Variants in FAF2 observed in about 807,000 individuals in gnomAD.
The protein encoded by FAF2 is FAS-associated factor 2.
FAF2 carries 9 observed loss-of-function variants against 62.3 expected under a neutral mutation model. That is an observed-to-expected ratio of 0.14 (90% CI 0.09 to 0.25). The LOEUF (loss-of-function observed/expected upper bound fraction) is 0.25. FAF2 is among the 10% of genes least tolerant of loss of function. FAF2 has a pLI of 1.00. For synonymous variants in FAF2, 202 were observed against 198.0 expected, an observed-to-expected ratio of 1.02 and a Z score of -0.17; for missense variants, 368 against 556.2, an observed-to-expected ratio of 0.66 and a Z score of 3.40.
At position 176,506,899 on chromosome 5, in the gene FAF2, C is replaced by G; in HGVS notation, c.1287C>G (p.Ala429=). Residue 429 remains alanine, a synonymous_variant, in exon 11 of 11, where the codon GCC becomes GCG. Coordinates refer to ENST00000261942, the MANE Select transcript of FAF2 (RefSeq NM_014613.3). ...CCAATCCCCCTACGCTACAGGAGGC[C>G]GGACTCAGCCACACAGAAGTTCTTT... ...EWPNPPTLQE[A]GLSHTEVLFV... 1 of 1,608,522 alleles carries G rather than the reference C, an allele frequency of 6.2e-7. No individual in the cohort carries two copies. Among genetic ancestry groups the G allele is most frequent in the Non-Finnish European group, 8.5e-7 (1 of 1,176,688 alleles).
At chr5:176,478,394 G>T (rs188081483) in intron 1 of FAF2, among the ~76,000 whole-genome samples, 6 of 152,118 alleles carry the variant, frequency 3.9e-5, no homozygotes, top group Non-Finnish European at 8.8e-5. Flanking sequence ...CGGGAGGATC[G>T]CTTCAGTCTG....
chr5:176,480,195 G>T (rs2963687), intron 2 of FAF2, among the ~76,000 whole-genome samples: 72,619 of 151,708 alleles, frequency 0.48, 17,394 homozygotes, highest in Admixed American at 0.51. Context: ...AGTGGATGTT[G>T]AATTTTGTCA....
intron 1 of FAF2, among the ~76,000 whole-genome samples, chr5:176,471,258 C>CAT (rs1339827961): frequency 1.3e-5 from 2 of 152,104 alleles, no homozygotes; most frequent in Non-Finnish European, 2.9e-5. Context: ...ACAATTACTT[C>CAT]ATATGCAAAC....
intron 1 of FAF2, among the ~76,000 whole-genome samples, chr5:176,461,119 G>A (rs1010456274): frequency 6.6e-6 from 1 of 150,936 alleles, no homozygotes; most frequent in Non-Finnish European, 1.5e-5. Flanking sequence ...TTCAAGCGAT[G>A]TCTCTTGCCT....
At chr5:176,504,468 C>G (rs1755645089) in intron 10 of FAF2, among the ~76,000 whole-genome samples, 1 of 152,040 alleles carries the variant, frequency 6.6e-6, no homozygotes, top group African/African-American at 2.4e-5. Context: ...CCTGTAGTCA[C>G]TGCTGCTTGG....
At chr5:176,474,962 A>G (rs2113729527) in intron 1 of FAF2, among the ~76,000 whole-genome samples, 1 of 152,262 alleles carries the variant, frequency 6.6e-6, no homozygotes. Context: ...TCTAGGGCAT[A>G]GTTTTAGTAC....
intron 10 of FAF2, among the ~76,000 whole-genome samples, chr5:176,501,531 AG>A (rs1755591064): frequency 6.6e-6 from 1 of 152,212 alleles, no homozygotes; most frequent in Non-Finnish European, 1.5e-5. Flanking sequence ...AACTGAACAT[AG>A]GTATGTCATG....
intron 1 of FAF2, among the ~76,000 whole-genome samples, chr5:176,460,022 C>T (rs1475650017): frequency 2.6e-5 from 4 of 152,092 alleles, no homozygotes; most frequent in Non-Finnish European, 5.9e-5. Flanking sequence ...CTTAGGATGA[C>T]GGCCTCCGGC....
chr5:176,492,484 A>C, intron 5 of FAF2, 152 bp downstream of exon 5: 2 of 812,448 alleles, frequency 2.5e-6, no homozygotes, highest in South Asian at 2.4e-5. Flanking sequence ...AAAAGACCAA[A>C]CCTTTTAGCT....
chr5:176,479,318 G>C (rs747278734), intron 2 of FAF2, 62 bp downstream of exon 2: 1 of 1,337,206 alleles, frequency 7.5e-7, no homozygotes, highest in East Asian at 2.3e-5. Flanking sequence ...AGTCAAAACC[G>C]TATGTTTTTC....
At chr5:176,461,203 AG>A (rs1758371558) in intron 1 of FAF2, among the ~76,000 whole-genome samples, 1 of 150,696 alleles carries the variant, frequency 6.6e-6, no homozygotes, top group African/African-American at 2.4e-5. Context: ...TAGTAGAGAC[AG>A]GGTTTCACTG....
intron 1 of FAF2, among the ~76,000 whole-genome samples, chr5:176,478,201 C>G (rs1581065511): frequency 6.6e-6 from 1 of 152,208 alleles, no homozygotes; most frequent in East Asian, 1.9e-4. Flanking sequence ...AATACTGTAA[C>G]TGCAGTGGCT....
chr5:176,457,544 TATTCAAGG>T (rs1317757331), intron 1 of FAF2, among the ~76,000 whole-genome samples: 1 of 152,212 alleles, frequency 6.6e-6, no homozygotes, highest in Non-Finnish European at 1.5e-5. Context: ...TTATTTCACA[TATTCAAGG>T]ATTCTAGTTG....
chr5:176,468,440 C>T (rs552086239), intron 1 of FAF2, among the ~76,000 whole-genome samples: 6 of 152,092 alleles, frequency 3.9e-5, no homozygotes, highest in South Asian at 2.1e-4. Context: ...AAAAATTAGG[C>T]GGGCGTGGTC....
chr5:176,500,075 G>T lies in FAF2; in HGVS notation c.1084G>T (p.Val362Phe). The stretch of plus-strand genomic sequence containing the variant: ...ACCTTCCCCTGATGACCCTGAAAGT[G>T]TCAAGATCATCTTCAAATTACCTAA... ...PEPSPDDPESVKIIFKLPNDS... is the reference protein window; with the variant it reads ...PEPSPDDPESFKIIFKLPNDS... Residue 362 changes from valine (V) to phenylalanine (F), a missense_variant, in exon 10 of 11, where the codon GTC becomes TTC. Around this residue, in one of 2 missense-constraint regions of FAF2, gnomAD observed 37 missense variants for 114.3 expected, o/e 0.32. Coordinates refer to ENST00000261942, the MANE Select transcript of FAF2 (RefSeq NM_014613.3). The T allele has an allele frequency of 6.2e-7, 1 of 1,614,126 alleles. No homozygotes were observed. Among genetic ancestry groups the T allele is most frequent in the Non-Finnish European group, 8.5e-7 (1 of 1,180,004 alleles).
chr5:176,498,718 A>G (rs1210319910), intron 8 of FAF2, among the ~76,000 whole-genome samples, 196 bp from the exon 9 acceptor site: 1 of 152,206 alleles, frequency 6.6e-6, no homozygotes, highest in Non-Finnish European at 1.5e-5. Context: ...CTGCCAAATT[A>G]AACTGAGAAA....
rs983347112 is a variant in FAF2 at position 176,448,418 on chromosome 5, C to T, written c.11C>T (p.Pro4Leu). The T allele has an allele frequency of 2.9e-5, 47 of 1,606,648 alleles. No individual in the cohort carries two copies. Among genetic ancestry groups the T allele is most frequent in the Non-Finnish European group, 3.8e-5 (45 of 1,177,016 alleles). The change falls in exon 1 of 11, where the codon CCT (proline) becomes CTT (leucine). Residue 4 changes from proline (P) to leucine (L), a missense_variant. Transcript: ENST00000261942. MAA[P>L]EERDLTQEQT... ...AGAGGCGGCGGCAAAATGGCGGCGC[C>T]TGAGGAGCGGGATCTAACCCAGGAG...
At chr5:176,464,943 A>G (rs1271654524) in intron 1 of FAF2, among the ~76,000 whole-genome samples, 3 of 152,106 alleles carry the variant, frequency 2.0e-5, no homozygotes, top group East Asian at 1.9e-4. Context: ...GCTAGAGTGC[A>G]GTGGTATGAT....
intron 1 of FAF2, among the ~76,000 whole-genome samples, chr5:176,475,137 GTTA>G (rs146620409): frequency 6.6e-6 from 1 of 151,666 alleles, no homozygotes; most frequent in Non-Finnish European, 1.5e-5. Context: ...TTTATTTAAG[GTTA>G]TTATTATTAT....
Sources: gnomAD v4.1 joint callset for allele counts (sites outside exome capture counted in the v4.1 genomes callset) on GRCh38, gnomAD v4.1.1 for gene constraint, gnomAD v4.1.1 regional missense constraint, MANE v1.5 for transcripts, NCBI Gene and HGNC (gene_info 2026-07-23, HGNC 2026-07-21) for gene names.